Variants in SLC4A5 observed in about 807,000 individuals in gnomAD.
The protein encoded by SLC4A5 is electrogenic sodium bicarbonate cotransporter 4.
In SLC4A5, 96 loss-of-function variants were observed where a neutral mutation model predicts 120.4. The ratio of observed to expected loss-of-function variants is 0.80; its 90% CI spans 0.68 to 0.94. SLC4A5 has a LOEUF of 0.94. Among genes scored for constraint, SLC4A5 ranks in the 40% least tolerant of loss-of-function variants. The pLI is 0.00. For missense variants in SLC4A5, 1,259 were observed against 1,459.5 expected, an observed-to-expected ratio of 0.86 and a Z score of 2.24; for synonymous variants, 550 against 571.1, an observed-to-expected ratio of 0.96 and a Z score of 0.53.
At chr2:74,324,875 C>T (rs192193277) in intron 5 of SLC4A5, among the ~76,000 whole-genome samples, 1 of 152,222 alleles carries the variant, frequency 6.6e-6, no homozygotes, top group East Asian at 1.9e-4. Flanking sequence ...GACATTTCTG[C>T]TTGATTCATC....
chr2:74,232,267 A>C (rs752830740), intron 24 of SLC4A5, among the ~76,000 whole-genome samples: 1 of 152,160 alleles, frequency 6.6e-6, no homozygotes, highest in Non-Finnish European at 1.5e-5. Context: ...GGAGCCCAGT[A>C]GGTAAAAAGC....
At chr2:74,329,268 G>A (rs1209892074) in intron 4 of SLC4A5, among the ~76,000 whole-genome samples, 2 of 152,174 alleles carry the variant, frequency 1.3e-5, no homozygotes, top group African/African-American at 2.4e-5. Context: ...GGTGTGAGGT[G>A]TAGATGGAGG....
exon 24 of SLC4A5, chr2:74,232,639 G>A (rs776335401): frequency 6.2e-6 from 10 of 1,612,800 alleles, no homozygotes; most frequent in South Asian, 3.3e-5. Context: ...GATGGTAGCC[G>A]GCAGCCTTCT....
chr2:74,305,729 T>TTC (rs1316652542), intron 6 of SLC4A5, among the ~76,000 whole-genome samples: 1 of 144,848 alleles, frequency 6.9e-6, no homozygotes, highest in African/African-American at 2.6e-5. Context: ...TCCTTTTTTT[T>TTC]TTTTTTTTTT....
chr2:74,320,264 C>A (rs1473580178), intron 5 of SLC4A5, among the ~76,000 whole-genome samples: 1 of 152,020 alleles, frequency 6.6e-6, no homozygotes, highest in African/African-American at 2.4e-5. Context: ...CCTTCCAGAA[C>A]TGAAAGATCT....
Position 74,232,571 on chromosome 2 carries a change from C to T in SLC4A5, c.2672G>A (p.Trp891Ter). 1 of 1,613,966 alleles carries T rather than the reference C, an allele frequency of 6.2e-7. No individual in the cohort carries two copies. The highest frequency in any genetic ancestry group is 8.5e-7 in the Non-Finnish European group (1 of 1,179,934). ...GGAGATGACCGTGGCAGCCACGTAC[C>T]AGGGGAGCCCCATAAAGGAGCACAA... The change falls in exon 24 of 31, where the codon TGG (tryptophan) becomes TAG (stop). Residue 891 changes from tryptophan (W) to a stop codon, truncating the protein, a stop_gained. Coordinates refer to ENST00000394019, the Ensembl canonical transcript of SLC4A5. LOFTEE classifies it high-confidence loss of function.
chr2:74,239,422 C>T (rs775514122), exon 21 of SLC4A5: 15 of 1,614,164 alleles, frequency 9.3e-6, no homozygotes, highest in African/African-American at 5.3e-5. Flanking sequence ...AGGACATGAG[C>T]GCCAGGTCTG....
intron 6 of SLC4A5, among the ~76,000 whole-genome samples, chr2:74,312,973 T>C (rs1023976774): frequency 1.3e-5 from 2 of 151,256 alleles, no homozygotes; most frequent in Admixed American, 6.6e-5. Context: ...AGTGAATTAA[T>C]ATCTACCATG....
At chr2:74,266,803 A>G (rs1332780833) in intron 8 of SLC4A5, among the ~76,000 whole-genome samples, 1 of 152,216 alleles carries the variant, frequency 6.6e-6, no homozygotes, top group Non-Finnish European at 1.5e-5. Context: ...GTATAAAACC[A>G]TAAAGGAAAA....
intron 7 of SLC4A5, among the ~76,000 whole-genome samples, chr2:74,294,558 G>C (rs903153486): frequency 5.3e-5 from 8 of 152,236 alleles, no homozygotes; most frequent in African/African-American, 1.9e-4. Flanking sequence ...AAGCCAAGAG[G>C]GGTATGGAGC....
intron 10 of SLC4A5, among the ~76,000 whole-genome samples, 187 bp from the exon 11 acceptor site, chr2:74,262,419 G>T (rs548367402): frequency 6.7e-6 from 1 of 149,890 alleles, no homozygotes; most frequent in Admixed American, 6.6e-5. Context: ...AAGATTACAG[G>T]CTGGGCACGA....
exon 25 of SLC4A5, chr2:74,231,294 G>A: frequency 2.5e-6 from 4 of 1,611,794 alleles, no homozygotes; most frequent in Non-Finnish European, 3.4e-6. Context: ...GATGATGCCG[G>A]TTACTCTCTG....
At chr2:74,296,631 A>AG (rs1341821110) in intron 7 of SLC4A5, among the ~76,000 whole-genome samples, 2 of 150,268 alleles carry the variant, frequency 1.3e-5, no homozygotes, top group Non-Finnish European at 3.0e-5. Flanking sequence ...AAAAAAAAAA[A>AG]AAAAAAAATT....
chr2:74,319,671 C>T (rs572863125), intron 5 of SLC4A5, among the ~76,000 whole-genome samples: 24 of 151,668 alleles, frequency 1.6e-4, no homozygotes, highest in East Asian at 7.7e-4. Context: ...CTCTCTTTTT[C>T]TCTCTCTCTC....
intron 14 of SLC4A5, among the ~76,000 whole-genome samples, chr2:74,253,854 G>A (rs978395369): frequency 3.9e-5 from 6 of 152,174 alleles, no homozygotes; most frequent in Non-Finnish European, 8.8e-5. Flanking sequence ...AGCATCACTC[G>A]TAGGAATGCT....
chr2:74,219,772 C>T (rs192030698), intron 30 of SLC4A5, among the ~76,000 whole-genome samples: 19 of 152,042 alleles, frequency 1.2e-4, no homozygotes, highest in East Asian at 1.9e-4. Context: ...CTCATAATAC[C>T]GGTGTATACT....
At chr2:74,221,978 G>A (rs1036853699) in intron 29 of SLC4A5, among the ~76,000 whole-genome samples, 1 of 152,086 alleles carries the variant, frequency 6.6e-6, no homozygotes, top group African/African-American at 2.4e-5. Flanking sequence ...GTTAAAGGCA[G>A]TAATATAATC....
intron 6 of SLC4A5, chr2:74,307,478 C>G: frequency 1.6e-6 from 1 of 622,350 alleles, no homozygotes; most frequent in South Asian, 1.5e-5. Context: ...GGATGTCGCT[C>G]TCTACAGACT....
intron 5 of SLC4A5, among the ~76,000 whole-genome samples, chr2:74,323,531 A>G (rs1673144125): frequency 6.6e-6 from 1 of 152,180 alleles, no homozygotes; most frequent in East Asian, 1.9e-4. Flanking sequence ...TCAAAAATCA[A>G]TCAGTCCTCA....
Sources: gnomAD v4.1 joint callset for allele counts (sites outside exome capture counted in the v4.1 genomes callset) on GRCh38, gnomAD v4.1.1 for gene constraint, MANE v1.5 for transcripts, NCBI Gene and HGNC (gene_info 2026-07-23, HGNC 2026-07-21) for gene names.